The following RAD51B variants were observed in gnomAD, a reference collection of about 807,000 sequenced individuals.
RAD51B encodes the protein DNA repair protein RAD51 homolog 2.
RAD51B carries 38 observed loss-of-function variants against 42.2 expected under a neutral mutation model. That is an observed-to-expected ratio of 0.90 (90% CI 0.70 to 1.18). The LOEUF (loss-of-function observed/expected upper bound fraction) is 1.18, where lower values mean the gene tolerates loss of function less well. Among genes scored for constraint, RAD51B ranks in the 50% most tolerant of loss-of-function variants. The pLI is 0.00. For missense variants in RAD51B, 373 were observed against 400.7 expected (o/e 0.93, Z 0.59); for synonymous variants, 154 against 145.2 (o/e 1.06, Z -0.43).
chr14:68,573,991 T>G (rs1213130030), intron 10 of RAD51B, among the ~76,000 whole-genome samples: 2 of 151,940 alleles, frequency 1.3e-5, no homozygotes, highest in Non-Finnish European at 2.9e-5. Flanking sequence ...TGTGTGTGTG[T>G]GTGTGTGTGT....
At chr14:68,610,861 GTGTGTGTGTGTGTGTGTGTGTGTGTC>G (rs1891650288) in intron 10 of RAD51B, 2 of 619,532 alleles carry the variant, frequency 3.2e-6, no homozygotes, top group Non-Finnish European at 5.8e-6. Flanking sequence ...GTGTGTGTGT[GTGTGTGTGTGTGTGTGTGTGTGTGTC>G]ATCTCCCTAG....
At chr14:68,660,852 C>T (rs1892918622) in intron 11 of RAD51B, among the ~76,000 whole-genome samples, 1 of 152,252 alleles carries the variant, frequency 6.6e-6, no homozygotes, top group Admixed American at 6.5e-5. Flanking sequence ...GACTTCTCAC[C>T]CAGCCAAAAC....
chr14:68,354,064 C>T (rs1488492359), intron 8 of RAD51B, among the ~76,000 whole-genome samples: 1 of 152,018 alleles, frequency 6.6e-6, no homozygotes, highest in African/African-American at 2.4e-5. Context: ...AATGTTTTCT[C>T]GACAAAGAGA....
chr14:68,486,948 T>C (rs1273038972), intron 10 of RAD51B, among the ~76,000 whole-genome samples: 1 of 152,146 alleles, frequency 6.6e-6, no homozygotes, highest in Non-Finnish European at 1.5e-5. Flanking sequence ...GGAGAAACCA[T>C]AGACCTTCTT....
chr14:68,621,153 T>C (rs548104417), intron 10 of RAD51B, among the ~76,000 whole-genome samples: 4 of 152,224 alleles, frequency 2.6e-5, no homozygotes, highest in Non-Finnish European at 5.9e-5. Context: ...ACCACGCTTA[T>C]TGTTTCATTC....
At chr14:68,210,596 A>G (rs1371881243) in intron 7 of RAD51B, among the ~76,000 whole-genome samples, 4 of 152,286 alleles carry the variant, frequency 2.6e-5, no homozygotes, top group African/African-American at 9.6e-5. Context: ...GAGCTCTAGT[A>G]GTAACTGCCA....
At chr14:67,840,337 T>C (rs1490262781) in intron 4 of RAD51B, among the ~76,000 whole-genome samples, 2 of 152,204 alleles carry the variant, frequency 1.3e-5, no homozygotes, top group Non-Finnish European at 2.9e-5. Context: ...TTTGTGTCCA[T>C]GTATACCCAA....
chr14:68,653,813 C>T (rs1056891165), intron 11 of RAD51B, among the ~76,000 whole-genome samples: 1 of 152,234 alleles, frequency 6.6e-6, no homozygotes, highest in African/African-American at 2.4e-5. Flanking sequence ...GCAATTTTTC[C>T]ACGTAGAGAC....
At chr14:68,389,461 T>C (rs1430936782) in intron 8 of RAD51B, among the ~76,000 whole-genome samples, 1 of 152,222 alleles carries the variant, frequency 6.6e-6, no homozygotes, top group Non-Finnish European at 1.5e-5. Flanking sequence ...TATTAACCCA[T>C]AGAAAATATA....
chr14:68,464,279 C>A (rs1164098434), intron 9 of RAD51B, among the ~76,000 whole-genome samples: 1 of 152,150 alleles, frequency 6.6e-6, no homozygotes, highest in Non-Finnish European at 1.5e-5. Context: ...CCAAATGTCA[C>A]CTCTTCAGTG....
chr14:68,416,656 C>T (rs1247338852), intron 9 of RAD51B, among the ~76,000 whole-genome samples: 1 of 152,278 alleles, frequency 6.6e-6, no homozygotes, highest in East Asian at 1.9e-4. Flanking sequence ...TAGCATCAAA[C>T]CTTGACAATT....
intron 4 of RAD51B, among the ~76,000 whole-genome samples, chr14:67,837,030 A>G (rs944444517): frequency 2.6e-5 from 4 of 152,110 alleles, no homozygotes; most frequent in Non-Finnish European, 5.9e-5. Flanking sequence ...TTTAGATACT[A>G]TATTTTATTT....
rs924357368 is a variant in RAD51B, at chr14:68,185,406, G to A, written c.757-106478G>A. ...TCCTGCAAGAGGAAGGAATTCCATA[G>A]ATCCAAAATGCATATCTATTTGTCG... is the stretch of plus-strand genomic sequence containing the variant. On this transcript the variant is annotated intron_variant, in intron 7 of 10. Coordinates refer to ENST00000471583, the MANE Select transcript of RAD51B (RefSeq NM_133510.4). Among the ~76,000 whole-genome samples, 89 of 152,078 alleles carry A rather than the reference G, an allele frequency of 5.9e-4. 5 individuals are homozygous for A. The highest frequency in any genetic ancestry group is 2.9e-5 in the Non-Finnish European group (2 of 68,018).
rs182120409 is a variant in RAD51B, at chr14:68,057,098, A to C, written c.756+169894A>C. Reference sequence around the variant, plus strand: ...GAGTGAAACTCCGTCTCAAAAAAAAAAAAAACAAAGGAAGAAGGAAATATT... The same window carrying C: ...GAGTGAAACTCCGTCTCAAAAAAAACAAAAACAAAGGAAGAAGGAAATATT... On this transcript the variant is annotated intron_variant, in intron 7 of 10. Coordinates refer to ENST00000471583, the MANE Select transcript of RAD51B (RefSeq NM_133510.4). Among the ~76,000 whole-genome samples the C allele has an allele frequency of 4.7e-3, 717 of 152,246 alleles. 10 individuals carry two copies. The highest frequency in any genetic ancestry group is 0.016 in the African/African-American group (673 of 41,560).
chr14:67,852,435 G>A lies in RAD51B; in HGVS notation c.316-12568G>A, dbSNP rs144895634. 1.3e-4 allele frequency among the ~76,000 whole-genome samples: 20 copies of A among 152,328 alleles called. 1 individual carries two copies. The East Asian group carries it at 2.9e-3, about 22-fold the overall frequency. On this transcript the variant is annotated intron_variant, in intron 4 of 10. Transcript: ENST00000471583. ...GCTTCCAAGAAGTCTTCCTTACATG[G>A]CTTATATGGCTGGGAAGTTGGTCCT...
chr14:68,388,522 A>G (rs949355183), intron 8 of RAD51B, among the ~76,000 whole-genome samples: 3 of 152,166 alleles, frequency 2.0e-5, no homozygotes, highest in African/African-American at 7.2e-5. Flanking sequence ...TATATCACCA[A>G]TCAAGTATAT....
rs150198086 is a variant in RAD51B at position 68,442,830 on chromosome 14, A to C, written c.958-25342A>C. 3.8e-3 allele frequency among the ~76,000 whole-genome samples: 580 copies of C among 152,104 alleles called. 5 individuals are homozygous for C. The highest frequency in any genetic ancestry group is 0.013 in the African/African-American group (541 of 41,512). ...TATTATTCACACTTAACACTTAAGG[A>C]AGTGGAGGCTGTGAAAAGTTAAGTA... is the stretch of plus-strand genomic sequence containing the variant. On this transcript the variant is annotated intron_variant, in intron 9 of 10. Coordinates refer to ENST00000471583, the MANE Select transcript of RAD51B (RefSeq NM_133510.4).
In RAD51B at chr14:67,835,119, C is replaced by T. The variant is rs2041188885; in HGVS notation, c.238C>T (p.Pro80Ser). The change falls in exon 4 of 11, where the codon CCA (proline) becomes TCA (serine). Residue 80 changes from proline to serine, a missense_variant. Transcript: ENST00000471583. ...AGCACAAAGGTCTGCTGATTTCTCACCAGCATTCTTATCTACTACCCTTTC... is the reference window on the plus strand; with the variant it reads ...AGCACAAAGGTCTGCTGATTTCTCATCAGCATTCTTATCTACTACCCTTTC... ...IKAQRSADFSPAFLSTTLSAL... is the reference protein window; with the variant it reads ...IKAQRSADFSSAFLSTTLSAL... 2 of 1,613,748 alleles carry T rather than the reference C, an allele frequency of 1.2e-6. No individual in the cohort carries two copies. Among genetic ancestry groups the T allele is most frequent in the Non-Finnish European group, 1.7e-6 (2 of 1,179,826 alleles).
At chr14:68,265,511 A>T (rs1481321578) in intron 7 of RAD51B, among the ~76,000 whole-genome samples, 1 of 152,188 alleles carries the variant, frequency 6.6e-6, no homozygotes, top group Non-Finnish European at 1.5e-5. Flanking sequence ...GCACTTTGGG[A>T]GGCTGAGGCA....
Sources: allele counts gnomAD v4.1 joint callset (sites outside exome capture counted in the v4.1 genomes callset), GRCh38; gene constraint gnomAD v4.1.1; transcripts MANE v1.5; gene names NCBI Gene and HGNC (gene_info 2026-07-23, HGNC 2026-07-21).